The following PIK3C3 variants were observed in gnomAD, a reference collection of about 807,000 sequenced individuals.
The protein encoded by PIK3C3 is phosphatidylinositol 3-kinase catalytic subunit type 3, also known as PI3-kinase type 3.
A neutral mutation model predicts 126.1 loss-of-function variants in PIK3C3; 95 were observed. The observed-to-expected ratio is 0.75, with a 90% confidence interval of 0.64 to 0.89. The LOEUF (loss-of-function observed/expected upper bound fraction) is 0.89, where lower values mean the gene tolerates loss of function less well. Ranked by LOEUF, PIK3C3 falls within the 40% of genes least tolerant of loss-of-function variation. The probability of loss-of-function intolerance (pLI) is 0.00; values close to 1 mark genes in which losing one functional copy is unlikely to be tolerated. For synonymous variants in PIK3C3, 374 were observed against 360.0 expected (o/e 1.04, Z -0.44); for missense variants, 829 against 1,063.2 (o/e 0.78, Z 3.06).
Position 42,084,466 on chromosome 18 carries a change from A to C in PIK3C3, c.*3329A>C, listed in dbSNP as rs1364769022. The C allele has an allele frequency of 6.6e-6, 1 of 152,074 alleles. No homozygotes were observed. The highest frequency in any genetic ancestry group is 2.4e-5 in the African/African-American group (1 of 41,416). 9.4% of individuals were successfully genotyped at this position (152,074 alleles called of 1,614,324 possible). A position where few individuals can be genotyped will look rare whatever the true frequency, so the allele number is the denominator to read the frequency against. On this transcript the variant is annotated 3_prime_UTR_variant, in exon 25 of 25. Transcript: ENST00000262039. ...CCAAAATGAGTAATTTTGATATATT[A>C]ATATTTCACTTATAAGAATGCATAC...
At chr18:41,966,499 C>T (rs185896392) in intron 3 of PIK3C3, among the ~76,000 whole-genome samples, 122 of 152,104 alleles carry the variant, frequency 8.0e-4, no homozygotes, top group African/African-American at 2.6e-3. Context: ...TCTTTATTTA[C>T]CCCAACTTAC....
chr18:42,029,298 A>G, intron 14 of PIK3C3, 27 bp from the exon 15 acceptor site: 1 of 1,406,982 alleles, frequency 7.1e-7, no homozygotes, highest in Non-Finnish European at 1.0e-6. Flanking sequence ...ACATAGAACT[A>G]ATTTTTTCTC....
chr18:42,022,551 G>A (rs1983375961), intron 13 of PIK3C3, among the ~76,000 whole-genome samples: 1 of 151,838 alleles, frequency 6.6e-6, no homozygotes, highest in African/African-American at 2.4e-5. Flanking sequence ...AAGCCTTTAT[G>A]GTTCTCTTTA....
chr18:42,059,642 C>G (rs1435252316), intron 22 of PIK3C3, among the ~76,000 whole-genome samples: 1 of 152,060 alleles, frequency 6.6e-6, no homozygotes, highest in Non-Finnish European at 1.5e-5. Context: ...AGGTTGACTT[C>G]CTTGCTACAA....
intron 20 of PIK3C3, among the ~76,000 whole-genome samples, chr18:42,047,442 G>A (rs181736907): frequency 1.2e-4 from 18 of 152,222 alleles, no homozygotes; most frequent in African/African-American, 4.3e-4. Flanking sequence ...ATATCCCTCA[G>A]TAAGTCACTT....
chr18:42,068,703 C>T (rs1483364603), intron 24 of PIK3C3, among the ~76,000 whole-genome samples: 1 of 152,090 alleles, frequency 6.6e-6, no homozygotes, highest in Non-Finnish European at 1.5e-5. Context: ...GTAATCCCAG[C>T]ACTTTGGGAG....
chr18:41,975,871 T>C (rs370499967), intron 4 of PIK3C3, among the ~76,000 whole-genome samples: 1 of 152,032 alleles, frequency 6.6e-6, no homozygotes, highest in South Asian at 2.1e-4. Context: ...GGCTAATTTT[T>C]CTGTATTTTT....
At position 42,013,306 on chromosome 18, in the gene PIK3C3, G is replaced by A. The variant is rs115777224; in HGVS notation, c.1171-136G>A. On this transcript the variant is annotated intron_variant, in intron 10 of 24. Transcript: ENST00000262039. ...GGGCACAGAGAAGTTAAGTAATTTG[G>A]TGACGTGCCAAAAGTAATACAGCTG... 278 of 574,186 alleles carry A rather than the reference G, an allele frequency of 4.8e-4. No homozygotes were observed. The African/African-American group carries it at 4.9e-3, about 10-fold the overall frequency. 35.6% of individuals were successfully genotyped at this position (574,186 alleles called of 1,614,324 possible). A position where few individuals can be genotyped will look rare whatever the true frequency, so the allele number is the denominator to read the frequency against.
chr18:42,061,048 G>C (rs1451948135), intron 22 of PIK3C3, among the ~76,000 whole-genome samples: 2 of 152,142 alleles, frequency 1.3e-5, no homozygotes, highest in Non-Finnish European at 2.9e-5. Flanking sequence ...TCTATTTTCA[G>C]TAATAAAGGT....
At chr18:42,056,845 C>T (rs530738967) in intron 21 of PIK3C3, among the ~76,000 whole-genome samples, 3 of 152,168 alleles carry the variant, frequency 2.0e-5, no homozygotes, top group South Asian at 2.1e-4. Context: ...GCTGCTTTTC[C>T]AGTGGGTACT....
chr18:42,015,691 T>C, intron 12 of PIK3C3, 125 bp downstream of exon 12: 1 of 685,130 alleles, frequency 1.5e-6, no homozygotes, highest in South Asian at 1.9e-5. Flanking sequence ...AATAACTTAC[T>C]TTATGATGCA....
chr18:41,989,556 G>A (rs953141863), intron 5 of PIK3C3, among the ~76,000 whole-genome samples: 19 of 152,126 alleles, frequency 1.2e-4, no homozygotes, highest in African/African-American at 4.3e-4. Context: ...TATTTTTACT[G>A]TACTTTTTCT....
At chr18:42,050,711 C>T (rs1780947557) in intron 21 of PIK3C3, 1 of 152,162 alleles carries the variant, frequency 6.6e-6, no homozygotes, top group South Asian at 2.1e-4. Flanking sequence ...ACTACTTTGA[C>T]CCCACTTGAA....
chr18:42,018,902 A>G lies in PIK3C3; in HGVS notation c.1417-1736A>G, dbSNP rs76002342. 3.2e-3 allele frequency among the ~76,000 whole-genome samples: 491 copies of G among 152,162 alleles called. 20 individuals are homozygous for G. In the East Asian group the frequency reaches 0.086, roughly 27 times the overall value. Reference sequence around the variant, plus strand: ...AGCATAGCATGTTGGTGTCACTATAAATTCATGATCACAAACCTCAGATGA... The same window carrying G: ...AGCATAGCATGTTGGTGTCACTATAGATTCATGATCACAAACCTCAGATGA... On this transcript the variant is annotated intron_variant, in intron 12 of 24. Transcript: ENST00000262039.
At chr18:42,047,733 A>G (rs1359008215) in intron 20 of PIK3C3, among the ~76,000 whole-genome samples, 1 of 152,198 alleles carries the variant, frequency 6.6e-6, no homozygotes, top group African/African-American at 2.4e-5. Context: ...GCTTGTTAAA[A>G]TGGAATTGTG....
chr18:42,016,594 T>C (rs1256686157), intron 12 of PIK3C3, among the ~76,000 whole-genome samples: 2 of 152,140 alleles, frequency 1.3e-5, no homozygotes, highest in East Asian at 3.8e-4. Context: ...GTAACATCCC[T>C]CTAAAAGTGA....
chr18:42,033,817 T>G lies in PIK3C3; in HGVS notation c.1708-9T>G. The G allele has an allele frequency of 6.3e-7, 1 of 1,583,234 alleles. No homozygotes were observed. Among genetic ancestry groups the G allele is most frequent in the South Asian group, 1.2e-5 (1 of 86,544 alleles). On this transcript the variant is annotated splice_polypyrimidine_tract_variant and intron_variant, in intron 15 of 24. Coordinates refer to ENST00000262039, the MANE Select transcript of PIK3C3 (RefSeq NM_002647.4). ...TTTAACCTCATTAATCCTTTCTGATTTGTTCTAGAATGAGAGACTACAGGC... is the reference window on the plus strand; with the variant it reads ...TTTAACCTCATTAATCCTTTCTGATGTGTTCTAGAATGAGAGACTACAGGC...
At chr18:42,023,295 A>G (rs955145654) in intron 13 of PIK3C3, among the ~76,000 whole-genome samples, 2 of 152,218 alleles carry the variant, frequency 1.3e-5, no homozygotes, top group African/African-American at 2.4e-5. Context: ...ATGAGTTTTG[A>G]TAGAATCTTT....
chr18:42,018,763 T>C (rs1983189429), intron 12 of PIK3C3, among the ~76,000 whole-genome samples: 1 of 152,146 alleles, frequency 6.6e-6, no homozygotes, highest in African/African-American at 2.4e-5. Flanking sequence ...GGCTGTCATT[T>C]TAGTTATTAT....
Sources: gnomAD v4.1 joint callset for allele counts (sites outside exome capture counted in the v4.1 genomes callset) on GRCh38, gnomAD v4.1.1 for gene constraint, MANE v1.5 for transcripts, NCBI Gene and HGNC (gene_info 2026-07-23, HGNC 2026-07-21) for gene names.